RPL31: variants seen among roughly 807,000 people sequenced by gnomAD.
The protein encoded by RPL31 is ribosomal protein L31, also known as large ribosomal subunit protein eL31.
For synonymous variants in RPL31, 51 were observed against 55.0 expected (o/e 0.93, Z 0.32); for missense variants, 95 against 164.0 (o/e 0.58, Z 2.30).
At chr2:101,018,697 C>A (rs1679834399) in intron 4 of RPL31, among the ~76,000 whole-genome samples, 1 of 152,198 alleles carries the variant, frequency 6.6e-6, no homozygotes, top group South Asian at 2.1e-4. Context: ...GTGAGGGGTC[C>A]TCATAGGTTT....
At position 101,006,513 on chromosome 2, in the gene RPL31, G is replaced by T. The variant is rs562619104; in HGVS notation, c.*132G>T. Reference sequence around the variant, plus strand: ...TTGAAGAGCTTTTCCCAAATTGATGGCCTGTGCTGCCTTCTCCCCATCCCC... The same window carrying T: ...TTGAAGAGCTTTTCCCAAATTGATGTCCTGTGCTGCCTTCTCCCCATCCCC... On this transcript the variant is annotated 3_prime_UTR_variant, in exon 5 of 5. Transcript: ENST00000264258. The T allele has an allele frequency of 1.2e-4, 100 of 821,666 alleles. No homozygotes were observed. The African/African-American group carries it at 1.4e-3, about 11-fold the overall frequency. 50.9% of individuals were successfully genotyped at this position (821,666 alleles called of 1,614,324 possible). A position where few individuals can be genotyped will look rare whatever the true frequency, so the allele number is the denominator to read the frequency against.
Position 101,005,987 on chromosome 2 carries a change from C to G in RPL31, c.262C>G (p.Leu88Val). 1.9e-6 allele frequency: 3 copies of G among 1,613,312 alleles called. No homozygotes were observed. Among genetic ancestry groups the G allele is most frequent in the Non-Finnish European group, 1.7e-6 (2 of 1,179,998 alleles). Residue 88 changes from leucine to valine, a missense_variant, in exon 4 of 5, where the codon CTG becomes GTG. Physicochemically the swap from Leu to Val is conservative, Grantham distance 32. Coordinates refer to ENST00000264258, the MANE Select transcript of RPL31 (RefSeq NM_000993.5). ...RNVPYRIRVR[L>V]SRKRNEDEDS... ...TGTGCCATACCGAATCCGTGTGCGG[C>G]TGTCCAGAAAACGTAATGAGGATGA...
downstream of RPL31, chr2:101,011,604 G>T: frequency 6.4e-7 from 1 of 1,562,214 alleles, no homozygotes. Context: ...TGACAGTAAT[G>T]TAGCTTTCTA....
chr2:101,013,051 T>C (rs1023884109), intron 4 of RPL31, among the ~76,000 whole-genome samples: 3 of 152,116 alleles, frequency 2.0e-5, no homozygotes, highest in African/African-American at 7.2e-5. Flanking sequence ...TAGAAATGTG[T>C]ATACAAGTCA....
At chr2:101,013,073 T>G (rs923578549) in intron 4 of RPL31, among the ~76,000 whole-genome samples, 17 of 152,058 alleles carry the variant, frequency 1.1e-4, no homozygotes, top group African/African-American at 4.1e-4. Flanking sequence ...CAACAAAATG[T>G]GATGGGAGCC....
intron 3 of RPL31, chr2:101,005,315 GTTTTTTGTTCGTT>G (rs1558958544): frequency 6.5e-6 from 1 of 152,730 alleles, no homozygotes; most frequent in East Asian, 1.9e-4. Context: ...TTTTAACACT[GTTTTTTGTTCGTT>G]TTGAGATGGA....
chr2:101,009,197 T>TCCTGGCTAACA (rs373432354), downstream of RPL31, among the ~76,000 whole-genome samples: 1 of 151,944 alleles, frequency 6.6e-6, no homozygotes, highest in Non-Finnish European at 1.5e-5. Context: ...ATTGAGACCA[T>TCCTGGCTAACA]CCTGGCTAAC....
chr2:101,011,128 A>T, downstream of RPL31: 1 of 1,120,442 alleles, frequency 8.9e-7, no homozygotes, highest in Non-Finnish European at 1.3e-6. Context: ...GAGGAATTCC[A>T]CTAAGCAAAT....
chr2:101,012,309 T>C lies in RPL31; in HGVS notation c.346+6238T>C, dbSNP rs138993506. ...GCCAAAAAAACACCCAAATGTTGAA[T>C]AAATTGCTGAATAAACAAATCATGG... On this transcript the variant is annotated intron_variant, in intron 4 of 4. Coordinates refer to the RPL31 transcript ENST00000409028. Among the ~76,000 whole-genome samples, 107 of 152,336 alleles carry C rather than the reference T, an allele frequency of 7.0e-4. 1 individual carries two copies. In the East Asian group the frequency reaches 0.019, roughly 27 times the overall value.
intron 4 of RPL31, among the ~76,000 whole-genome samples, chr2:101,015,161 T>C (rs919579126): frequency 3.3e-5 from 5 of 152,178 alleles, no homozygotes; most frequent in African/African-American, 1.2e-4. Context: ...TCCTGAATAC[T>C]GTAGGCAGCT....
intron 4 of RPL31, among the ~76,000 whole-genome samples, chr2:101,015,380 T>C (rs969532856): frequency 1.8e-4 from 28 of 152,208 alleles, no homozygotes; most frequent in East Asian, 1.9e-4. Flanking sequence ...CCATAGACTT[T>C]ATAAACACTT....
chr2:101,015,784 A>G (rs11684100), intron 4 of RPL31, among the ~76,000 whole-genome samples: 128,442 of 152,170 alleles, frequency 0.84, 54,588 homozygotes, highest in African/African-American at 0.95. Context: ...CCACAACTAC[A>G]TGATCTTTGA....
chr2:101,007,159 G>A lies in RPL31; in HGVS notation c.*778G>A, dbSNP rs1268392963. ...TGGATGGGCAGCAGCAACATCTCCA[G>A]CTTACCCATTCACTGCCACAGTCTA... On this transcript the variant is annotated 3_prime_UTR_variant, in exon 5 of 5. Transcript: ENST00000264258. 2 of 152,212 alleles carry A rather than the reference G, an allele frequency of 1.3e-5. No individual in the cohort carries two copies. Among genetic ancestry groups the A allele is most frequent in the African/African-American group, 2.4e-5 (1 of 41,410 alleles). 9.4% of individuals were successfully genotyped at this position (152,212 alleles called of 1,614,324 possible).
At chr2:101,011,868 T>C (rs1389047968), downstream of RPL31, among the ~76,000 whole-genome samples, 2 of 152,224 alleles carry the variant, frequency 1.3e-5, no homozygotes, top group East Asian at 3.9e-4. Flanking sequence ...AACTGAAATA[T>C]ATCCATGCAC....
At chr2:101,009,341 G>A (rs1198562724), downstream of RPL31, among the ~76,000 whole-genome samples, 1 of 151,214 alleles carries the variant, frequency 6.6e-6, no homozygotes, top group East Asian at 2.0e-4. Context: ...GGGAGGCGGA[G>A]CTTGCAGTGA....
downstream of RPL31, chr2:101,011,013 A>T: frequency 6.2e-7 from 1 of 1,612,462 alleles, no homozygotes; most frequent in Non-Finnish European, 8.5e-7. Context: ...GTTTCTGATA[A>T]TCAACTGCAT....
intron 4 of RPL31, chr2:101,018,213 ACAT>A (rs1679797639): frequency 3.4e-6 from 1 of 291,896 alleles, no homozygotes. Flanking sequence ...CACTGACTAA[ACAT>A]CACTAATGAA....
At position 101,002,947 on chromosome 2, in the gene RPL31, G is replaced by A. The variant is rs577977565; in HGVS notation, c.107+139G>A. 16 of 666,702 alleles carry A rather than the reference G, an allele frequency of 2.4e-5. No homozygotes were observed. In the East Asian group the frequency reaches 4.4e-4, roughly 18 times the overall value. 41.3% of individuals were successfully genotyped at this position (666,702 alleles called of 1,614,324 possible). A position where few individuals can be genotyped will look rare whatever the true frequency, so the allele number is the denominator to read the frequency against. ...ATTCATTGGCAATTTAACAAATCCT[G>A]TGGGCTCTACCCTCCGAATACATTC... is the stretch of plus-strand genomic sequence containing the variant. On this transcript the variant is annotated intron_variant, in intron 2 of 4. Coordinates refer to ENST00000264258, the MANE Select transcript of RPL31 (RefSeq NM_000993.5).
downstream of RPL31, among the ~76,000 whole-genome samples, chr2:101,008,949 G>A (rs1471489754): frequency 6.6e-6 from 1 of 152,242 alleles, no homozygotes; most frequent in African/African-American, 2.4e-5. Flanking sequence ...GGAAGGCCAT[G>A]CAGGACCTAA....
Sources: gnomAD v4.1 joint callset for allele counts (sites outside exome capture counted in the v4.1 genomes callset) on GRCh38, gnomAD v4.1.1 for gene constraint, MANE v1.5 for transcripts, NCBI Gene and HGNC (gene_info 2026-07-23, HGNC 2026-07-21) for gene names.